PTPRD: variants seen among roughly 807,000 people sequenced by gnomAD.
PTPRD encodes the protein protein tyrosine phosphatase receptor type D.
In PTPRD, 34 loss-of-function variants were observed where a neutral mutation model predicts 214.5. The observed-to-expected ratio is 0.16, with a 90% CI of 0.12 to 0.21. The LOEUF is 0.21. Ranked by LOEUF, PTPRD falls within the 10% of genes least tolerant of loss-of-function variation. The pLI is 1.00. For synonymous variants in PTPRD, 1,128 were observed against 845.7 expected, an observed-to-expected ratio of 1.33 and a Z score of -5.79; for missense variants, 2,545 against 2,398.7, an observed-to-expected ratio of 1.06 and a Z score of -1.27.
intron 5 of PTPRD, among the ~76,000 whole-genome samples, chr9:9,859,052 T>C (rs145061443): frequency 7.2e-5 from 11 of 152,284 alleles, no homozygotes; most frequent in Admixed American, 1.3e-4. Flanking sequence ...GTTTTCCTCA[T>C]GCTGTTCTCG....
chr9:9,611,134 C>A (rs541036392), intron 7 of PTPRD, among the ~76,000 whole-genome samples: 5 of 152,156 alleles, frequency 3.3e-5, no homozygotes, highest in African/African-American at 1.2e-4. Flanking sequence ...CATGATGTAC[C>A]ATAATTCCTT....
chr9:10,178,230 T>C (rs1048742532), intron 3 of PTPRD, among the ~76,000 whole-genome samples: 24 of 152,062 alleles, frequency 1.6e-4, no homozygotes, highest in African/African-American at 5.8e-4. Flanking sequence ...AATGGAAAGC[T>C]AGAGTTTTCC....
intron 35 of PTPRD, among the ~76,000 whole-genome samples, chr9:8,431,784 G>C (rs2095072154): frequency 6.6e-6 from 1 of 152,180 alleles, no homozygotes; most frequent in South Asian, 2.1e-4. Flanking sequence ...CTGGGACCAG[G>C]AATTTCAATT....
intron 9 of PTPRD, among the ~76,000 whole-genome samples, chr9:9,293,386 G>GTTTT (rs137924508): frequency 7.2e-6 from 1 of 138,402 alleles, no homozygotes; most frequent in Non-Finnish European, 1.6e-5. Flanking sequence ...TTGTTTGTTT[G>GTTTT]TTCTTTTTTT....
intron 9 of PTPRD, among the ~76,000 whole-genome samples, chr9:9,236,006 G>A (rs1382158423): frequency 6.6e-6 from 1 of 152,162 alleles, no homozygotes; most frequent in African/African-American, 2.4e-5. Flanking sequence ...TCTCATGCCT[G>A]TAATCCCAGC....
chr9:8,586,823 G>T (rs1015540083), intron 14 of PTPRD, among the ~76,000 whole-genome samples: 2 of 152,134 alleles, frequency 1.3e-5, no homozygotes, highest in Non-Finnish European at 2.9e-5. Context: ...AGTCAGCGAG[G>T]TTATCTTGCT....
intron 5 of PTPRD, among the ~76,000 whole-genome samples, chr9:9,884,427 G>A (rs1565997116): frequency 6.6e-6 from 1 of 152,076 alleles, no homozygotes; most frequent in Non-Finnish European, 1.5e-5. Flanking sequence ...CTGTAAGAAA[G>A]CCCTTCCTCA....
intron 10 of PTPRD, among the ~76,000 whole-genome samples, chr9:9,038,640 C>T (rs1176941832): frequency 1.3e-5 from 2 of 150,226 alleles, no homozygotes; most frequent in African/African-American, 4.9e-5. Flanking sequence ...ACTGAAACCT[C>T]CGCCTCTGGG....
At chr9:8,385,955 A>G (rs1021002371) in intron 37 of PTPRD, among the ~76,000 whole-genome samples, 1 of 152,162 alleles carries the variant, frequency 6.6e-6, no homozygotes, top group African/African-American at 2.4e-5. Context: ...TCAACCATAG[A>G]GAAATAAACT....
At chr9:9,989,039 AAAAAAAC>A (rs2095821486) in intron 4 of PTPRD, among the ~76,000 whole-genome samples, 1 of 140,974 alleles carries the variant, frequency 7.1e-6, no homozygotes, top group Admixed American at 7.1e-5. Flanking sequence ...AAAAAAAAAA[AAAAAAAC>A]CACAGACTTT....
At chr9:9,911,714 A>T (rs2079235853) in intron 5 of PTPRD, among the ~76,000 whole-genome samples, 1 of 152,154 alleles carries the variant, frequency 6.6e-6, no homozygotes, top group African/African-American at 2.4e-5. Flanking sequence ...AAATAACAGT[A>T]GGATATAGGA....
In PTPRD at chr9:8,567,784, C is replaced by G. The variant is rs948776832; in HGVS notation, c.353-39005G>C. Among the ~76,000 whole-genome samples the G allele has an allele frequency of 2.6e-5, 4 of 152,104 alleles. No homozygotes were observed. The South Asian group carries it at 6.2e-4, about 24-fold the overall frequency. ...TAGATATTTTTAGTCTTATTTCTCT[C>G]TCTTACAAATAACATATGATGACCA... On this transcript the variant is annotated intron_variant, in intron 14 of 45. Coordinates refer to ENST00000381196, the MANE Select transcript of PTPRD (RefSeq NM_002839.4).
intron 3 of PTPRD, among the ~76,000 whole-genome samples, chr9:10,214,091 A>T (rs2099529569): frequency 6.6e-6 from 1 of 152,114 alleles, no homozygotes; most frequent in Non-Finnish European, 1.5e-5. Flanking sequence ...TTACACGTGA[A>T]TTCTTATGTT....
intron 4 of PTPRD, among the ~76,000 whole-genome samples, chr9:9,941,528 G>T (rs1355801039): frequency 5.3e-5 from 8 of 152,128 alleles, no homozygotes; most frequent in African/African-American, 1.9e-4. Flanking sequence ...TCGCCGTATT[G>T]GCCAGGCTGT....
intron 9 of PTPRD, among the ~76,000 whole-genome samples, chr9:9,190,914 G>T (rs1358079841): frequency 6.6e-6 from 1 of 152,048 alleles, no homozygotes; most frequent in Non-Finnish European, 1.5e-5. Context: ...AGCCTATTCT[G>T]CAGTGAGAGA....
chr9:9,350,059 A>T (rs550243504), intron 9 of PTPRD, among the ~76,000 whole-genome samples: 65 of 152,156 alleles, frequency 4.3e-4, no homozygotes, highest in African/African-American at 1.6e-3. Flanking sequence ...GTAGGAACGG[A>T]AAGGACCCCA....
chr9:10,449,833 A>G (rs1156384200), intron 2 of PTPRD, among the ~76,000 whole-genome samples: 1 of 151,844 alleles, frequency 6.6e-6, no homozygotes. Flanking sequence ...AAGAGAGATC[A>G]GATTGTTACT....
intron 8 of PTPRD, among the ~76,000 whole-genome samples, chr9:9,556,122 T>A (rs1361509725): frequency 6.6e-6 from 1 of 152,182 alleles, no homozygotes; most frequent in Non-Finnish European, 1.5e-5. Context: ...CATAGTCAAT[T>A]AATACATATT....
chr9:8,382,327 T>C lies in PTPRD; in HGVS notation c.4387-5601A>G, dbSNP rs1333512775. On this transcript the variant is annotated intron_variant, in intron 37 of 45. Transcript: ENST00000381196. ...GATTAACACATACTTCTGAAAACTT[T>C]AGAAATGAGACCTAATCCAGCACAG... Among the ~76,000 whole-genome samples, 4 of 152,282 alleles carry C rather than the reference T, an allele frequency of 2.6e-5. No individual in the cohort carries two copies. The East Asian group carries it at 5.8e-4, about 22-fold the overall frequency.
Sources: allele counts gnomAD v4.1 joint callset (sites outside exome capture counted in the v4.1 genomes callset), GRCh38; gene constraint gnomAD v4.1.1; transcripts MANE v1.5; gene names NCBI Gene and HGNC (gene_info 2026-07-23, HGNC 2026-07-21).